The following PLGRKT variants were observed in gnomAD, a reference collection of about 807,000 sequenced individuals.
The protein encoded by PLGRKT is plasminogen receptor (KT).
In PLGRKT, 22 loss-of-function variants were observed where a neutral mutation model predicts 18.5. The observed-to-expected ratio is 1.19, with a 90% CI of 0.85 to 1.70. PLGRKT has a LOEUF of 1.70. Ranked by LOEUF, PLGRKT falls within the 40% of genes most tolerant of loss-of-function variation. PLGRKT has a pLI of 0.00. For missense variants in PLGRKT, 235 were observed against 174.4 expected, an observed-to-expected ratio of 1.35 and a Z score of -1.96; for synonymous variants, 72 against 52.8, an observed-to-expected ratio of 1.36 and a Z score of -1.58.
rs147461043 is a variant in PLGRKT, at chr9:5,397,946, G to T, written c.81+33951C>A. On this transcript the variant is annotated intron_variant, in intron 3 of 5. Coordinates refer to ENST00000223864, the MANE Select transcript of PLGRKT (RefSeq NM_018465.4). Reference sequence around the variant, plus strand: ...TTTATTTCAAAACTAGAACGGGGAGGCATAGAACTTGAAGGAGGACATAGC... The same window carrying T: ...TTTATTTCAAAACTAGAACGGGGAGTCATAGAACTTGAAGGAGGACATAGC... Among the ~76,000 whole-genome samples, 30 of 152,016 alleles carry T rather than the reference G, an allele frequency of 2.0e-4. No individual in the cohort carries two copies. The East Asian group carries it at 5.4e-3, about 27-fold the overall frequency.
chr9:5,366,383 T>G (rs562691272), intron 3 of PLGRKT, among the ~76,000 whole-genome samples: 1 of 152,264 alleles, frequency 6.6e-6, no homozygotes, highest in African/African-American at 2.4e-5. Flanking sequence ...TTAAAAGAAA[T>G]GTAGACCTTT....
At chr9:5,412,062 A>G (rs780910382) in intron 3 of PLGRKT, among the ~76,000 whole-genome samples, 13 of 152,340 alleles carry the variant, frequency 8.5e-5, no homozygotes, top group Non-Finnish European at 1.6e-4. Context: ...ACCATACTAA[A>G]AAGTGTCTAT....
In PLGRKT at chr9:5,362,778, A is replaced by T. The variant is rs887961512; in HGVS notation, c.82-890T>A. ...CTGGGAGGGGCGAATGATAGTTTAG[A>T]TGTAAAGATGGGGCTTGGCTCCTTG... On this transcript the variant is annotated intron_variant, in intron 3 of 5. Transcript: ENST00000223864. Among the ~76,000 whole-genome samples the T allele has an allele frequency of 6.7e-4, 102 of 152,104 alleles. 1 individual carries two copies. Among genetic ancestry groups the T allele is most frequent in the African/African-American group, 2.4e-3 (99 of 41,422 alleles).
Position 5,362,671 on chromosome 9 carries a change from C to T in PLGRKT, c.82-783G>A, listed in dbSNP as rs866826371. 1.2e-4 allele frequency among the ~76,000 whole-genome samples: 18 copies of T among 152,236 alleles called. 1 individual carries two copies. The highest frequency in any genetic ancestry group is 6.8e-3 in the Middle Eastern group (2 of 294). ...GCTAGAGGGCAATACACAGGGAGTTCATGATGCAAGGAAGAGGAGAGGAAG... is the reference window on the plus strand; with the variant it reads ...GCTAGAGGGCAATACACAGGGAGTTTATGATGCAAGGAAGAGGAGAGGAAG... On this transcript the variant is annotated intron_variant, in intron 3 of 5. Coordinates refer to ENST00000223864, the MANE Select transcript of PLGRKT (RefSeq NM_018465.4).
intron 3 of PLGRKT, among the ~76,000 whole-genome samples, chr9:5,377,476 A>T (rs1241139575): frequency 6.6e-6 from 1 of 152,168 alleles, no homozygotes; most frequent in Admixed American, 6.5e-5. Context: ...CTTTGTATTT[A>T]TCTATATAAA....
intron 3 of PLGRKT, among the ~76,000 whole-genome samples, chr9:5,362,931 C>T (rs554250394): frequency 5.5e-4 from 83 of 152,200 alleles, no homozygotes; most frequent in African/African-American, 1.8e-3. Flanking sequence ...AGCTACAGCA[C>T]AGCAGAAATG....
chr9:5,380,258 G>A (rs145084246), intron 3 of PLGRKT, among the ~76,000 whole-genome samples: 2,054 of 151,686 alleles, frequency 0.014, 48 homozygotes, highest in African/African-American at 0.045. Flanking sequence ...CCAGCTACTC[G>A]GGAGGCTGAG....
chr9:5,436,403 A>G (rs1818960610), intron 2 of PLGRKT, among the ~76,000 whole-genome samples, 166 bp downstream of exon 2: 1 of 152,246 alleles, frequency 6.6e-6, no homozygotes, highest in Non-Finnish European at 1.5e-5. Context: ...TAAAGAAAAC[A>G]ACTGTACTCT....
chr9:5,396,095 T>C (rs1053096295), intron 3 of PLGRKT, among the ~76,000 whole-genome samples: 1 of 151,528 alleles, frequency 6.6e-6, no homozygotes, highest in Non-Finnish European at 1.5e-5. Flanking sequence ...GGTTTCACCA[T>C]GTGGGCCAGG....
rs994335750 is a variant in PLGRKT, at chr9:5,383,408, T to A, written c.82-21520A>T. 4.3e-4 allele frequency among the ~76,000 whole-genome samples: 65 copies of A among 152,232 alleles called. 1 individual carries two copies. Among genetic ancestry groups the A allele is most frequent in the Non-Finnish European group, 1.5e-5 (1 of 68,036 alleles). ...CAAGCACAGTGGTCCCCAACCTTTT[T>A]GGCACCAGGGACCAGTTTCATGGAA... On this transcript the variant is annotated intron_variant, in intron 3 of 5. Coordinates refer to ENST00000223864, the MANE Select transcript of PLGRKT (RefSeq NM_018465.4).
Position 5,409,508 on chromosome 9 carries a change from G to A in PLGRKT, c.81+22389C>T, listed in dbSNP as rs149254161. The stretch of plus-strand genomic sequence containing the variant: ...TGGCCTATTGTGGGATCTTGTGATC[G>A]TGTGAGTTAATACTTAATAAACTCC... On this transcript the variant is annotated intron_variant, in intron 3 of 5. Coordinates refer to ENST00000223864, the MANE Select transcript of PLGRKT (RefSeq NM_018465.4). Among the ~76,000 whole-genome samples, 95 of 152,240 alleles carry A rather than the reference G, an allele frequency of 6.2e-4. 1 individual carries two copies. Among genetic ancestry groups the A allele is most frequent in the African/African-American group, 2.0e-3 (83 of 41,538 alleles).
intron 3 of PLGRKT, chr9:5,382,145 T>G: frequency 2.6e-6 from 1 of 381,764 alleles, no homozygotes. Context: ...GACTCTCTAT[T>G]CATTCCCTCA....
intron 3 of PLGRKT, among the ~76,000 whole-genome samples, chr9:5,403,254 GC>G (rs1818191126): frequency 8.7e-6 from 1 of 114,816 alleles, no homozygotes. Flanking sequence ...ATGGAGTTTT[GC>G]TCTTGTTGCC....
rs139095915 is a variant in PLGRKT at position 5,419,653 on chromosome 9, C to T, written c.81+12244G>A. 5.2e-4 allele frequency among the ~76,000 whole-genome samples: 79 copies of T among 151,946 alleles called. No homozygotes were observed. The East Asian group carries it at 0.013, about 24-fold the overall frequency. ...GCCATTATGGAAATTCAACTCAAAACCAGAATGAGATATATTTCAAAACTA... is the reference window on the plus strand; with the variant it reads ...GCCATTATGGAAATTCAACTCAAAATCAGAATGAGATATATTTCAAAACTA... On this transcript the variant is annotated intron_variant, in intron 3 of 5. Transcript: ENST00000223864.
At chr9:5,425,578 G>C (rs117421525) in intron 3 of PLGRKT, among the ~76,000 whole-genome samples, 2,205 of 152,064 alleles carry the variant, frequency 0.015, 20 homozygotes, top group African/African-American at 0.016. Flanking sequence ...TAATTATGTA[G>C]CATCACAGAA....
chr9:5,407,498 T>A (rs1274063168), intron 3 of PLGRKT, among the ~76,000 whole-genome samples: 1 of 152,212 alleles, frequency 6.6e-6, no homozygotes, highest in African/African-American at 2.4e-5. Context: ...ATAACCTTAT[T>A]GACTAGCACA....
At chr9:5,372,049 T>C (rs1412559633) in intron 3 of PLGRKT, among the ~76,000 whole-genome samples, 1 of 142,022 alleles carries the variant, frequency 7.0e-6, no homozygotes, top group Non-Finnish European at 1.5e-5. Flanking sequence ...TGGCGCGATA[T>C]TGGCTCACTG....
chr9:5,383,992 T>G (rs1817795324), intron 3 of PLGRKT, among the ~76,000 whole-genome samples: 1 of 152,224 alleles, frequency 6.6e-6, no homozygotes, highest in Admixed American at 6.5e-5. Context: ...AACAGTCAGG[T>G]GTAGGCATCC....
At chr9:5,394,948 G>A (rs952684512) in intron 3 of PLGRKT, among the ~76,000 whole-genome samples, 1 of 151,812 alleles carries the variant, frequency 6.6e-6, no homozygotes, top group Non-Finnish European at 1.5e-5. Context: ...AGTGGGCAGA[G>A]GGGCCCCCAT....
Sources: allele counts gnomAD v4.1 joint callset (sites outside exome capture counted in the v4.1 genomes callset), GRCh38; gene constraint gnomAD v4.1.1; transcripts MANE v1.5; gene names NCBI Gene and HGNC (gene_info 2026-07-23, HGNC 2026-07-21).